Variants in ADAMTSL1 observed in about 807,000 individuals in gnomAD.
The protein encoded by ADAMTSL1 is ADAMTS like 1, also known as ADAMTS-like protein 1.
ADAMTSL1 carries 126 observed loss-of-function variants against 201.8 expected under a neutral mutation model. The ratio of observed to expected loss-of-function variants is 0.62; its 90% CI spans 0.54 to 0.72. The LOEUF is 0.72. Ranked by LOEUF, ADAMTSL1 falls within the 30% of genes least tolerant of loss-of-function variation. ADAMTSL1 has a pLI of 0.00. For synonymous variants in ADAMTSL1, 1,121 were observed against 903.4 expected, an observed-to-expected ratio of 1.24 and a Z score of -4.32; for missense variants, 2,679 against 2,277.8, an observed-to-expected ratio of 1.18 and a Z score of -3.59.
chr9:18,769,149 T>C (rs139884154), intron 16 of ADAMTSL1, among the ~76,000 whole-genome samples: 1 of 152,288 alleles, frequency 6.6e-6, no homozygotes, highest in African/African-American at 2.4e-5. Context: ...ATGTTCTGAC[T>C]GTACCCAAGG....
At chr9:18,626,827 T>TACTG (rs1826387988) in intron 5 of ADAMTSL1, among the ~76,000 whole-genome samples, 1 of 142,022 alleles carries the variant, frequency 7.0e-6, no homozygotes, top group African/African-American at 2.5e-5. Flanking sequence ...CTTTCTTTCT[T>TACTG]TCTTACTTTC....
chr9:18,343,388 T>G (rs536390928), intron 2 of ADAMTSL1, among the ~76,000 whole-genome samples: 1 of 152,236 alleles, frequency 6.6e-6, no homozygotes, highest in African/African-American at 2.4e-5. Flanking sequence ...AAATGAGGTT[T>G]TCTGCTCCAT....
At chr9:18,821,903 GAA>G in intron 21 of ADAMTSL1, among the ~76,000 whole-genome samples, 1 of 152,056 alleles carries the variant, frequency 6.6e-6, no homozygotes, top group Non-Finnish European at 1.5e-5. Context: ...TTTTAAAAAA[GAA>G]TATTTTAGCA....
At chr9:18,649,912 T>C (rs1213686496) in intron 7 of ADAMTSL1, among the ~76,000 whole-genome samples, 4 of 152,148 alleles carry the variant, frequency 2.6e-5, no homozygotes, top group Non-Finnish European at 5.9e-5. Context: ...ACCACTGCTC[T>C]CTTCAAAGCT....
chr9:18,462,712 G>A (rs757336433), intron 2 of ADAMTSL1, among the ~76,000 whole-genome samples: 5 of 152,096 alleles, frequency 3.3e-5, no homozygotes, highest in African/African-American at 4.8e-5. Flanking sequence ...GCCAAGGTGG[G>A]TGGATTACCT....
At chr9:18,475,333 T>G in intron 1 of ADAMTSL1, among the ~76,000 whole-genome samples, 1 of 152,210 alleles carries the variant, frequency 6.6e-6, no homozygotes, top group East Asian at 1.9e-4. Flanking sequence ...GTTCTGATTA[T>G]ATTCTGACAA....
At chr9:18,249,944 T>A (rs118145508) in intron 2 of ADAMTSL1, among the ~76,000 whole-genome samples, 6 of 152,186 alleles carry the variant, frequency 3.9e-5, no homozygotes, top group Non-Finnish European at 7.3e-5. Context: ...AATGGAATCA[T>A]GTACTATGAG....
At chr9:18,640,709 C>T (rs1827384610) in intron 7 of ADAMTSL1, among the ~76,000 whole-genome samples, 2 of 151,898 alleles carry the variant, frequency 1.3e-5, no homozygotes. Context: ...AATCAGAAAC[C>T]TTTGATTCAC....
intron 2 of ADAMTSL1, among the ~76,000 whole-genome samples, chr9:18,171,971 C>G (rs1827915260): frequency 6.6e-6 from 1 of 151,840 alleles, no homozygotes; most frequent in Admixed American, 6.6e-5. Context: ...TCACGTTTGC[C>G]AAAGATCAGA....
intron 2 of ADAMTSL1, among the ~76,000 whole-genome samples, chr9:18,261,012 C>CTTTTTTTT (rs3085417): frequency 2.9e-5 from 3 of 104,228 alleles, no homozygotes; most frequent in African/African-American, 7.4e-5. Flanking sequence ...TTTCCTTTTT[C>CTTTTTTTT]TTTTTTTTTT....
At chr9:18,535,151 T>C (rs1405405387) in intron 3 of ADAMTSL1, among the ~76,000 whole-genome samples, 4 of 152,226 alleles carry the variant, frequency 2.6e-5, no homozygotes, top group Non-Finnish European at 5.9e-5. Context: ...TCTTGAATGC[T>C]TTGTCACTTA....
At chr9:18,681,216 A>T (rs1473174526) in intron 11 of ADAMTSL1, 2 of 152,492 alleles carry the variant, frequency 1.3e-5, no homozygotes, top group East Asian at 3.8e-4. Context: ...CAGAGCTGTG[A>T]CATTTTCTAC....
rs148467935 is a variant in ADAMTSL1 at position 18,115,832 on chromosome 9, C to G, written c.88-48030C>G. On this transcript the variant is annotated intron_variant, in intron 1 of 29. Coordinates refer to the ADAMTSL1 transcript ENST00000680146. The stretch of plus-strand genomic sequence containing the variant: ...ATCTGGGATTCAGACCTAAGGGAGT[C>G]TGGCTACAAAGTTTATGCTTTTAGC... Among the ~76,000 whole-genome samples, 637 of 152,256 alleles carry G rather than the reference C, an allele frequency of 4.2e-3. 7 individuals are homozygous for G. The highest frequency in any genetic ancestry group is 0.014 in the African/African-American group (595 of 41,560).
At chr9:18,180,315 C>A (rs1354488618) in intron 2 of ADAMTSL1, among the ~76,000 whole-genome samples, 1 of 152,002 alleles carries the variant, frequency 6.6e-6, no homozygotes, top group Non-Finnish European at 1.5e-5. Context: ...GGGCGGATCA[C>A]GAGGTCAGGA....
intron 13 of ADAMTSL1, among the ~76,000 whole-genome samples, chr9:18,705,522 A>G (rs2133324915): frequency 6.6e-6 from 1 of 152,252 alleles, no homozygotes; most frequent in South Asian, 2.1e-4. Flanking sequence ...TTACTAATGT[A>G]GCTTGTTTTA....
chr9:18,032,523 G>A (rs113871821), intron 1 of ADAMTSL1, among the ~76,000 whole-genome samples: 1 of 152,286 alleles, frequency 6.6e-6, no homozygotes, highest in African/African-American at 2.4e-5. Context: ...AGACAAGGGG[G>A]CACAGAGATC....
chr9:18,584,748 G>A (rs1823367129), intron 4 of ADAMTSL1, among the ~76,000 whole-genome samples: 1 of 152,114 alleles, frequency 6.6e-6, no homozygotes, highest in South Asian at 2.1e-4. Flanking sequence ...TCAGTGGACT[G>A]AGTTGGGAAA....
chr9:18,435,280 G>T lies in ADAMTSL1; in HGVS notation c.208-69549G>T, dbSNP rs1168752319. On this transcript the variant is annotated intron_variant, in intron 2 of 29. Coordinates refer to the ADAMTSL1 transcript ENST00000680146. ...TGTCACTATAGAATTTATATCTTTA[G>T]TCTCTTCATAAGTGAGAAAACCTTA... Among the ~76,000 whole-genome samples, 3 of 152,160 alleles carry T rather than the reference G, an allele frequency of 2.0e-5. No individual in the cohort carries two copies. In the East Asian group the frequency reaches 5.8e-4, roughly 29 times the overall value.
intron 2 of ADAMTSL1, among the ~76,000 whole-genome samples, chr9:18,450,684 C>CAAA (rs1232167223): frequency 6.6e-6 from 1 of 151,720 alleles, no homozygotes; most frequent in African/African-American, 2.4e-5. Context: ...AAGTTAATCC[C>CAAA]CTTTACCAAA....
Sources: gnomAD v4.1 joint callset for allele counts (sites outside exome capture counted in the v4.1 genomes callset) on GRCh38, gnomAD v4.1.1 for gene constraint, MANE v1.5 for transcripts, NCBI Gene and HGNC (gene_info 2026-07-23, HGNC 2026-07-21) for gene names.